The following GHR variants were observed in gnomAD, a reference collection of about 807,000 sequenced individuals.
GHR encodes the protein GH receptor.
Under a neutral mutation model 67.1 loss-of-function variants are expected in GHR, and 35 were observed. That is an observed-to-expected ratio of 0.52 (90% CI 0.40 to 0.69). GHR has a LOEUF of 0.69. Among genes scored for constraint, GHR ranks in the 30% least tolerant of loss-of-function variants. The pLI is 0.00. For missense variants in GHR, 792 were observed against 764.6 expected (o/e 1.04, Z -0.42); for synonymous variants, 272 against 269.1 (o/e 1.01, Z -0.10).
chr5:42,673,496 G>A lies in GHR; in HGVS notation c.137-15394G>A, dbSNP rs1214666309. The stretch of plus-strand genomic sequence containing the variant: ...TCACATGTTCATTACAACACTGTTC[G>A]CAATAGCAAAGACATGGAATCAACC... On this transcript the variant is annotated intron_variant, in intron 3 of 9. Coordinates refer to ENST00000230882, the MANE Select transcript of GHR (RefSeq NM_000163.5). Among the ~76,000 whole-genome samples the A allele has an allele frequency of 1.5e-4, 23 of 152,152 alleles. No individual in the cohort carries two copies. The Middle Eastern group carries it at 0.014, about 90-fold the overall frequency.
At chr5:42,511,019 A>G (rs1687726144) in intron 1 of GHR, among the ~76,000 whole-genome samples, 1 of 152,212 alleles carries the variant, frequency 6.6e-6, no homozygotes, top group South Asian at 2.1e-4. Context: ...ATGTAATACC[A>G]ATATTATCCC....
chr5:42,713,370 T>C, intron 7 of GHR, 59 bp from the exon 8 acceptor site: 1 of 821,970 alleles, frequency 1.2e-6, no homozygotes, highest in Non-Finnish European at 2.1e-6. Flanking sequence ...GAAAGGGAAA[T>C]GTAAACTGTG....
intron 1 of GHR, among the ~76,000 whole-genome samples, chr5:42,474,503 C>A (rs1376114590): frequency 2.0e-5 from 3 of 151,970 alleles, no homozygotes; most frequent in South Asian, 2.1e-4. Flanking sequence ...GAGAGGCTTG[C>A]AAATACCTTC....
intron 2 of GHR, among the ~76,000 whole-genome samples, chr5:42,579,147 TAGATATAGA>T (rs1475423172): frequency 7.9e-5 from 5 of 63,598 alleles, no homozygotes; most frequent in Admixed American, 1.4e-4. Context: ...AGATGATAGA[TAGATATAGA>T]TAGATAGATA....
Position 42,719,606 on chromosome 5 carries a change from A to G in GHR, c.*182A>G, listed in dbSNP as rs1464770632. The G allele has an allele frequency of 3.1e-6, 2 of 649,098 alleles. No homozygotes were observed. Among genetic ancestry groups the G allele is most frequent in the Admixed American group, 2.2e-5 (1 of 45,386 alleles). The allele number at this position is 649,098 out of a possible 1,614,324, so 40.2% of individuals were successfully genotyped here. On this transcript the variant is annotated 3_prime_UTR_variant, in exon 10 of 10. Coordinates refer to ENST00000230882, the MANE Select transcript of GHR (RefSeq NM_000163.5). ...GTTAAAAAAATAAGAAGAATGCTTA[A>G]TCAGATAGATATTCCTATTGTGCAA...
At chr5:42,528,969 A>G (rs1168549881) in intron 1 of GHR, among the ~76,000 whole-genome samples, 1 of 152,046 alleles carries the variant, frequency 6.6e-6, no homozygotes, top group East Asian at 1.9e-4. Context: ...TTTAGACATA[A>G]TGCTCTTGCA....
intron 1 of GHR, among the ~76,000 whole-genome samples, chr5:42,433,728 T>C (rs889700799): frequency 6.9e-6 from 1 of 144,360 alleles, no homozygotes; most frequent in Non-Finnish European, 1.5e-5. Context: ...ACTTAAGATA[T>C]GGTATTTTTT....
At chr5:42,503,138 G>T (rs1746611187) in intron 1 of GHR, among the ~76,000 whole-genome samples, 2 of 152,110 alleles carry the variant, frequency 1.3e-5, no homozygotes, top group Non-Finnish European at 2.9e-5. Context: ...TTTGCCCTTG[G>T]CATGTTCCAA....
chr5:42,675,216 T>G (rs1756512697), intron 3 of GHR, among the ~76,000 whole-genome samples: 1 of 152,224 alleles, frequency 6.6e-6, no homozygotes, highest in South Asian at 2.1e-4. Flanking sequence ...AAGTCAGTTC[T>G]TCTTCAGGGT....
intron 1 of GHR, among the ~76,000 whole-genome samples, chr5:42,533,993 G>T (rs187818137): frequency 3.3e-5 from 5 of 151,450 alleles, no homozygotes; most frequent in Admixed American, 2.0e-4. Flanking sequence ...CCAAGTCACT[G>T]CCATTAATTC....
In GHR at chr5:42,475,612, C is replaced by T. The variant is rs189403106; in HGVS notation, c.-12+51657C>T. Among the ~76,000 whole-genome samples the T allele has an allele frequency of 1.2e-3, 185 of 150,824 alleles. 1 individual carries two copies. Among genetic ancestry groups the T allele is most frequent in the African/African-American group, 4.3e-3 (176 of 40,954 alleles). ...TATTTTTTTTTTTTCTTAAAAAGGA[C>T]CCCCCCACCAAATTGTATAAGTTTC... is the stretch of plus-strand genomic sequence containing the variant. On this transcript the variant is annotated intron_variant, in intron 1 of 9. Coordinates refer to ENST00000230882, the MANE Select transcript of GHR (RefSeq NM_000163.5).
intron 1 of GHR, among the ~76,000 whole-genome samples, chr5:42,434,236 T>C (rs756332634): frequency 6.6e-6 from 1 of 152,120 alleles, no homozygotes; most frequent in Non-Finnish European, 1.5e-5. Context: ...AATAGAGCCA[T>C]AGGGCCTCAC....
chr5:42,633,380 TTAGA>T (rs1284330783), intron 3 of GHR, among the ~76,000 whole-genome samples: 2 of 152,192 alleles, frequency 1.3e-5, no homozygotes, highest in Non-Finnish European at 2.9e-5. Context: ...TATTATCATA[TTAGA>T]TAGGCAAGCA....
At chr5:42,679,211 TTAA>T (rs1288911024) in intron 3 of GHR, among the ~76,000 whole-genome samples, 7 of 146,486 alleles carry the variant, frequency 4.8e-5, no homozygotes, top group South Asian at 4.2e-4. Flanking sequence ...CATACTATTA[TTAA>T]TATTTTAAAT....
chr5:42,441,275 G>A (rs555118763), intron 1 of GHR, among the ~76,000 whole-genome samples: 35 of 152,252 alleles, frequency 2.3e-4, no homozygotes, highest in African/African-American at 7.7e-4. Context: ...TGCTGATGAG[G>A]GGTAAAGTAA....
At chr5:42,537,335 C>T (rs979392145) in intron 1 of GHR, among the ~76,000 whole-genome samples, 1 of 152,034 alleles carries the variant, frequency 6.6e-6, no homozygotes, top group African/African-American at 2.4e-5. Flanking sequence ...TGCTGTATCC[C>T]AAAGGTTTTG....
intron 1 of GHR, among the ~76,000 whole-genome samples, chr5:42,475,907 A>ATT (rs367798408): frequency 4.4e-4 from 63 of 144,508 alleles, no homozygotes; most frequent in African/African-American, 5.6e-4. Flanking sequence ...CAGATTAAAA[A>ATT]TTTTTTTTTT....
chr5:42,517,930 A>G (rs781361602), intron 1 of GHR, among the ~76,000 whole-genome samples: 20 of 151,878 alleles, frequency 1.3e-4, no homozygotes, highest in Non-Finnish European at 2.5e-4. Flanking sequence ...TTCCTTCCTG[A>G]TATTCTTTTG....
intron 2 of GHR, among the ~76,000 whole-genome samples, chr5:42,614,223 G>A (rs758764858): frequency 1.3e-4 from 20 of 152,110 alleles, no homozygotes; most frequent in African/African-American, 2.4e-4. Context: ...TTGTGACACC[G>A]TTTTCATCCA....
Sources: gnomAD v4.1 joint callset for allele counts (sites outside exome capture counted in the v4.1 genomes callset) on GRCh38, gnomAD v4.1.1 for gene constraint, MANE v1.5 for transcripts, NCBI Gene and HGNC (gene_info 2026-07-23, HGNC 2026-07-21) for gene names.